TTLL6: variants seen among roughly 807,000 people sequenced by gnomAD.
TTLL6 encodes tubulin tyrosine ligase like 6, also known as tubulin polyglutamylase TTLL6.
In TTLL6, 75 loss-of-function variants were observed where a neutral mutation model predicts 96.4. The ratio of observed to expected loss-of-function variants is 0.78; its 90% CI spans 0.65 to 0.94. The LOEUF is 0.94. Ranked by LOEUF, TTLL6 falls within the 40% of genes least tolerant of loss-of-function variation. The pLI is 0.00. For missense variants in TTLL6, 1,030 were observed against 1,093.0 expected (o/e 0.94, Z 0.81); for synonymous variants, 411 against 419.4 (o/e 0.98, Z 0.24).
At chr17:48,766,274 A>G (rs1169607442) in intron 15 of TTLL6, among the ~76,000 whole-genome samples, 3 of 152,198 alleles carry the variant, frequency 2.0e-5, no homozygotes, top group Admixed American at 6.5e-5. Context: ...GAAGGAATAA[A>G]GTTCCTGTCT....
intron 7 of TTLL6, 75 bp downstream of exon 7, chr17:48,796,986 T>A: frequency 7.0e-7 from 1 of 1,429,506 alleles, no homozygotes; most frequent in Non-Finnish European, 9.3e-7. Context: ...CTTGAGGATG[T>A]GGATTTAACT....
intron 15 of TTLL6, among the ~76,000 whole-genome samples, chr17:48,763,925 C>T (rs1432572775): frequency 2.0e-5 from 3 of 152,086 alleles, no homozygotes; most frequent in Non-Finnish European, 4.4e-5. Flanking sequence ...GATCGCGCCA[C>T]TGCACTCCAG....
rs761347277 is a variant in TTLL6 at position 48,769,824 on chromosome 17, A to C, written c.2314T>G (p.Leu772Val). Residue 772 changes from leucine to valine, a missense_variant, in exon 14 of 16, where the codon TTG becomes GTG. Leu to Val is a conservative substitution (Grantham distance 32). Coordinates refer to ENST00000393382, the MANE Select transcript of TTLL6 (RefSeq NM_001130918.3). ...AGCTTGGTGAGTAGCTCGGATATCA[A>C]ATGTGGCTTGTTCATGTCACTCTTT... ...LLKSDMNKPH[L>V]ISELLTKLQL... The C allele has an allele frequency of 6.2e-7, 1 of 1,614,244 alleles. No homozygotes were observed. The highest frequency in any genetic ancestry group is 1.1e-5 in the South Asian group (1 of 91,084).
intron 1 of TTLL6, 72 bp from the exon 2 acceptor site, chr17:48,805,063 G>A: frequency 8.2e-7 from 1 of 1,223,910 alleles, no homozygotes; most frequent in Non-Finnish European, 1.2e-6. Context: ...TCGCTCATGT[G>A]GGTAGAGACC....
chr17:48,788,092 A>C, intron 10 of TTLL6, 93 bp from the exon 11 acceptor site: 1 of 1,177,276 alleles, frequency 8.5e-7, no homozygotes. Flanking sequence ...CTAGGGCCAG[A>C]TGGAGGCCTT....
At chr17:48,769,431 T>C (rs2038686391) in intron 14 of TTLL6, among the ~76,000 whole-genome samples, 177 bp from the exon 15 acceptor site, 2 of 152,260 alleles carry the variant, frequency 1.3e-5, no homozygotes. Context: ...CATTTTTTCA[T>C]ACTTAACATC....
rs973407487 is a variant in TTLL6, at chr17:48,784,208, A to G, written c.2040+715T>C. The stretch of plus-strand genomic sequence containing the variant: ...GGAGGCTTGAGCTCATGAGTTCAAG[A>G]CCAGCCTGGGCAACATGGTGAAACC... On this transcript the variant is annotated intron_variant, in intron 13 of 15. Transcript: ENST00000393382. 2.0e-5 allele frequency among the ~76,000 whole-genome samples: 3 copies of G among 152,232 alleles called. No individual in the cohort carries two copies. The South Asian group carries it at 6.2e-4, about 32-fold the overall frequency.
At chr17:48,785,737 G>A (rs2039078716) in intron 12 of TTLL6, among the ~76,000 whole-genome samples, 2 of 152,156 alleles carry the variant, frequency 1.3e-5, no homozygotes, top group Non-Finnish European at 2.9e-5. Flanking sequence ...AATGTTCTGA[G>A]AGTCCTGTTC....
chr17:48,789,609 C>A (rs2039178036), intron 10 of TTLL6, among the ~76,000 whole-genome samples: 1 of 152,132 alleles, frequency 6.6e-6, no homozygotes. Context: ...GGCTGAAGTG[C>A]AATGGTGTGA....
intron 6 of TTLL6, among the ~76,000 whole-genome samples, chr17:48,799,230 C>T (rs2039369302): frequency 1.3e-5 from 2 of 152,236 alleles, no homozygotes; most frequent in Admixed American, 1.3e-4. Flanking sequence ...TAGAGGGCTC[C>T]CTCCCCACAG....
intron 2 of TTLL6, chr17:48,804,412 C>A: frequency 2.0e-6 from 1 of 493,778 alleles, no homozygotes. Context: ...CAGTTGGATC[C>A]TGATAAGTCA....
chr17:48,796,131 G>A lies in TTLL6; in HGVS notation c.928C>T (p.His310Tyr), dbSNP rs375529698. 8.6e-5 allele frequency: 133 copies of A among 1,551,348 alleles called. 2 individuals are homozygous for A. In the East Asian group the frequency reaches 9.3e-4, roughly 11 times the overall value. ...TTATTAATGGAATAATTAGTCAGGTGCATGCAGATATCATCCTGGGGAAAA... is the reference window on the plus strand; with the variant it reads ...TTATTAATGGAATAATTAGTCAGGTACATGCAGATATCATCCTGGGGAAAA... ...CTDNLDDICM[H>Y]LTNYSINKHS... is the part of the protein sequence containing the mutation. The change falls in exon 8 of 16, where the codon CAC becomes TAC. Residue 310 changes from histidine to tyrosine, a missense_variant. Physicochemically the swap from His to Tyr is moderately conservative, Grantham distance 83 (BLOSUM62 2). Coordinates refer to ENST00000393382, the MANE Select transcript of TTLL6 (RefSeq NM_001130918.3).
At chr17:48,778,004 C>G (rs1194412168) in intron 13 of TTLL6, among the ~76,000 whole-genome samples, 1 of 151,840 alleles carries the variant, frequency 6.6e-6, no homozygotes, top group African/African-American at 2.4e-5. Context: ...GCTGGGCGCC[C>G]GGTGGCTCAC....
At chr17:48,785,222 A>G (rs1379729979) in intron 12 of TTLL6, 21 bp from the exon 13 acceptor site, 5 of 1,613,796 alleles carry the variant, frequency 3.1e-6, no homozygotes, top group East Asian at 2.2e-5. Flanking sequence ...AAGAAACCAC[A>G]ACACACAGCC....
In TTLL6 at chr17:48,791,372, C is replaced by T. The variant is rs1467678965; in HGVS notation, c.1224+6G>A. 6.8e-6 allele frequency: 11 copies of T among 1,613,560 alleles called. No homozygotes were observed. Among genetic ancestry groups the T allele is most frequent in the Admixed American group, 5.0e-5 (3 of 59,988 alleles). On this transcript the variant is annotated splice_donor_region_variant and intron_variant, in intron 9 of 15. Transcript: ENST00000393382. ...TCGTTTTCGCCCCTCGCCCAAACTT[C>T]CCTACCTCCAGCAGCCAGGGTTTGA...
At chr17:48,805,925 C>A (rs1041725376) in intron 1 of TTLL6, among the ~76,000 whole-genome samples, 4 of 152,186 alleles carry the variant, frequency 2.6e-5, no homozygotes, top group African/African-American at 9.7e-5. Context: ...GCCCTACCCA[C>A]ACAGAGAAAC....
At chr17:48,795,972 G>T in intron 8 of TTLL6, 89 bp downstream of exon 8, 2 of 1,070,476 alleles carry the variant, frequency 1.9e-6, no homozygotes, top group Non-Finnish European at 2.8e-6. Flanking sequence ...TGGAAACACT[G>T]ATGGGGACTA....
chr17:48,799,819 G>C lies in TTLL6; in HGVS notation c.612-59C>G, dbSNP rs918221390. ...TAGCTGGGGAGCAATGAAAAGGAAG[G>C]CTAGCCCTTTATGAAGAAAAGAAAG... is the stretch of plus-strand genomic sequence containing the variant. On this transcript the variant is annotated intron_variant, in intron 5 of 15. Transcript: ENST00000393382. 6.5e-5 allele frequency: 95 copies of C among 1,452,620 alleles called. No individual in the cohort carries two copies. The East Asian group carries it at 1.8e-3, about 28-fold the overall frequency. The allele number at this position is 1,452,620 out of a possible 1,614,324, so 90.0% of individuals were successfully genotyped here. A position where few individuals can be genotyped will look rare whatever the true frequency, so the allele number is the denominator to read the frequency against.
Position 48,817,046 on chromosome 17 carries a change from C to A in TTLL6, c.27G>T (p.Ser9=). MGALLLHP[S]RRGPAGVVAS... ...CAACCACACCTGCCGGCCCCCTCCT[C>A]GAAGGATGAAGGAGTAACGCTCCCA... is the stretch of plus-strand genomic sequence containing the variant. Residue 9 remains serine, a synonymous_variant, in exon 1 of 16, where the codon TCG becomes TCT. Transcript: ENST00000393382. 1 of 1,544,846 alleles carries A rather than the reference C, an allele frequency of 6.5e-7. No homozygotes were observed. Among genetic ancestry groups the A allele is most frequent in the African/African-American group, 1.4e-5 (1 of 72,918 alleles).
Sources: allele counts gnomAD v4.1 joint callset (sites outside exome capture counted in the v4.1 genomes callset), GRCh38; gene constraint gnomAD v4.1.1; transcripts MANE v1.5; gene names NCBI Gene and HGNC (gene_info 2026-07-23, HGNC 2026-07-21).